The following FANCD2 variants were observed in gnomAD, a reference collection of about 807,000 sequenced individuals.
FANCD2 encodes the protein Fanconi anemia group D2 protein.
In FANCD2, 131 loss-of-function variants were observed where a neutral mutation model predicts 192.3. That is an observed-to-expected ratio of 0.68 (90% confidence interval 0.59 to 0.79). FANCD2 has a LOEUF of 0.79. FANCD2 is among the 30% of genes least tolerant of loss of function. FANCD2 has a pLI of 0.00. For missense variants in FANCD2, 1,508 were observed against 1,701.6 expected (o/e 0.89, Z 2.00); for synonymous variants, 524 against 612.5 (o/e 0.86, Z 2.13).
chr3:10,029,241 T>G (rs2086531535), intron 2 of FANCD2, among the ~76,000 whole-genome samples: 1 of 152,202 alleles, frequency 6.6e-6, no homozygotes, highest in African/African-American at 2.4e-5. Context: ...CGCTCACACC[T>G]GTAATCCAAG....
rs866812453 is a variant in FANCD2 at position 10,069,543 on chromosome 3, G to A, written c.2494+2226G>A. 4.8e-4 allele frequency among the ~76,000 whole-genome samples: 70 copies of A among 145,820 alleles called. No homozygotes were observed. In the Middle Eastern group the frequency reaches 0.01, roughly 22 times the overall value. ...GCTGGACTGTACTGCTGCCATCTCGGCTCACTGCAACCTCCCTGCCTGATT... is the reference window on the plus strand; with the variant it reads ...GCTGGACTGTACTGCTGCCATCTCGACTCACTGCAACCTCCCTGCCTGATT... On this transcript the variant is annotated intron_variant, in intron 26 of 43. Transcript: ENST00000675286.
At chr3:10,059,617 A>G (rs1263200178) in intron 18 of FANCD2, among the ~76,000 whole-genome samples, 2 of 152,066 alleles carry the variant, frequency 1.3e-5, no homozygotes, top group Non-Finnish European at 2.9e-5. Context: ...CCTGGCTAAC[A>G]TGGTGAAACC....
chr3:10,051,942 G>A (rs2125011297), intron 17 of FANCD2, among the ~76,000 whole-genome samples: 1 of 152,252 alleles, frequency 6.6e-6, no homozygotes, highest in Admixed American at 6.5e-5. Flanking sequence ...GCTGGGAAGG[G>A]ATGATATGGC....
At chr3:10,097,034 G>A (rs1010650608) in intron 42 of FANCD2, among the ~76,000 whole-genome samples, 3 of 152,116 alleles carry the variant, frequency 2.0e-5, no homozygotes, top group Non-Finnish European at 2.9e-5. Flanking sequence ...TAGGATCCGT[G>A]ATGCCCCACA....
chr3:10,032,390 T>TC, intron 2 of FANCD2: 1 of 322,856 alleles, frequency 3.1e-6, no homozygotes, highest in Non-Finnish European at 6.0e-6. Flanking sequence ...AAGTTATTCT[T>TC]CCGCCTTAGC....
At chr3:10,033,958 A>G (rs1225782411) in intron 3 of FANCD2, among the ~76,000 whole-genome samples, 1 of 150,088 alleles carries the variant, frequency 6.7e-6, no homozygotes, top group South Asian at 2.1e-4. Flanking sequence ...CGGCCTCCCA[A>G]AGTGCTGGGA....
intron 7 of FANCD2, among the ~76,000 whole-genome samples, chr3:10,038,676 G>T (rs2086789866): frequency 6.6e-6 from 1 of 150,910 alleles, no homozygotes; most frequent in South Asian, 2.1e-4. Flanking sequence ...CGCCTTCTGG[G>T]TTCAAGCGAT....
chr3:10,044,721 G>T (rs1397421255), intron 14 of FANCD2, among the ~76,000 whole-genome samples: 1 of 152,138 alleles, frequency 6.6e-6, no homozygotes, highest in East Asian at 1.9e-4. Context: ...TATCTTAAAA[G>T]CTTTCATGAT....
chr3:10,097,665 C>T (rs1283173160), intron 42 of FANCD2, among the ~76,000 whole-genome samples: 3 of 152,226 alleles, frequency 2.0e-5, no homozygotes, highest in South Asian at 4.1e-4. Flanking sequence ...GTGTAGTTAA[C>T]GCAATTATTA....
intron 26 of FANCD2, among the ~76,000 whole-genome samples, chr3:10,067,867 T>A (rs2087764569): frequency 6.6e-6 from 1 of 152,172 alleles, no homozygotes; most frequent in Non-Finnish European, 1.5e-5. Flanking sequence ...ATGCAAGGAT[T>A]GTTCAACATA....
chr3:10,097,190 A>C (rs1695021050), intron 42 of FANCD2, among the ~76,000 whole-genome samples: 1 of 152,242 alleles, frequency 6.6e-6, no homozygotes, highest in Admixed American at 6.5e-5. Flanking sequence ...ACATGACCGC[A>C]GGACCGAGGC....
intron 28 of FANCD2, among the ~76,000 whole-genome samples, chr3:10,073,577 A>C (rs1693372541): frequency 6.6e-6 from 1 of 152,108 alleles, no homozygotes. Context: ...TTTTCTAATT[A>C]TTTTCTTGAC....
chr3:10,093,749 A>G (rs530389748), intron 39 of FANCD2, among the ~76,000 whole-genome samples: 34 of 152,224 alleles, frequency 2.2e-4, no homozygotes, highest in Non-Finnish European at 4.3e-4. Context: ...CCTAGATTTG[A>G]TGGGAAGTCC....
intron 14 of FANCD2, among the ~76,000 whole-genome samples, chr3:10,045,154 T>G (rs1314409686): frequency 6.6e-6 from 1 of 151,582 alleles, no homozygotes; most frequent in Non-Finnish European, 1.5e-5. Context: ...GTTTTCTCTT[T>G]TTTTGTTTTG....
intron 18 of FANCD2, among the ~76,000 whole-genome samples, chr3:10,059,608 C>T (rs1478919430): frequency 6.6e-6 from 1 of 152,024 alleles, no homozygotes; most frequent in Non-Finnish European, 1.5e-5. Flanking sequence ...CGAGACCATC[C>T]TGGCTAACAT....
intron 18 of FANCD2, among the ~76,000 whole-genome samples, chr3:10,053,821 T>C (rs569575835): frequency 6.6e-6 from 1 of 152,310 alleles, no homozygotes; most frequent in South Asian, 2.1e-4. Context: ...CAGCTAACCA[T>C]GAAACTGTTC....
In FANCD2 at chr3:10,067,256, G is replaced by C. The variant is rs769811062; in HGVS notation, c.2433G>C (p.Lys811Asn). 6.2e-6 allele frequency: 10 copies of C among 1,613,872 alleles called. No individual in the cohort carries two copies. In the South Asian group the frequency reaches 7.7e-5, roughly 12 times the overall value. Residue 811 changes from lysine to asparagine, a missense_variant, in exon 26 of 44, where the codon AAG becomes AAC. Transcript: ENST00000675286. Reference protein sequence around the residue: ...CQETSPEMKGKVLTRLKHIVE... With the variant: ...CQETSPEMKGNVLTRLKHIVE... ...AAACATCACCTGAGATGAAGGGGAA[G>C]GTGCTCACTCGGTTAAAGCACATTG...
intron 17 of FANCD2, 80 bp from the exon 18 acceptor site, chr3:10,052,307 T>C: frequency 4.3e-6 from 4 of 928,010 alleles, no homozygotes; most frequent in South Asian, 1.3e-5. Flanking sequence ...TGTGTCTCTT[T>C]TACAGGGATT....
At chr3:10,075,284 C>T (rs35213033) in intron 29 of FANCD2, among the ~76,000 whole-genome samples, 84 of 151,990 alleles carry the variant, frequency 5.5e-4, no homozygotes, top group African/African-American at 1.9e-3. Context: ...CCCGGGTTCA[C>T]GCCATTCTGC....
Sources: gnomAD v4.1 joint callset for allele counts (sites outside exome capture counted in the v4.1 genomes callset) on GRCh38, gnomAD v4.1.1 for gene constraint, MANE v1.5 for transcripts, NCBI Gene and HGNC (gene_info 2026-07-23, HGNC 2026-07-21) for gene names.